The following MAP4K4 variants were observed in gnomAD, a reference collection of about 807,000 sequenced individuals.
The protein encoded by MAP4K4 is mitogen-activated protein kinase kinase kinase kinase 4.
Under a neutral mutation model 189.6 loss-of-function variants are expected in MAP4K4, and 38 were observed. That is an observed-to-expected ratio of 0.20 (90% CI 0.15 to 0.26). The LOEUF (loss-of-function observed/expected upper bound fraction) is 0.26, where lower values mean the gene tolerates loss of function less well. MAP4K4 is among the 10% of genes least tolerant of loss of function. The probability of loss-of-function intolerance (pLI) is 1.00; values close to 1 mark genes in which losing one functional copy is unlikely to be tolerated. For synonymous variants in MAP4K4, 610 were observed against 624.3 expected, an observed-to-expected ratio of 0.98 and a Z score of 0.34; for missense variants, 1,054 against 1,726.9, an observed-to-expected ratio of 0.61 and a Z score of 6.91.
chr2:101,800,290 G>A (rs1213506925), intron 3 of MAP4K4, among the ~76,000 whole-genome samples: 1 of 152,000 alleles, frequency 6.6e-6, no homozygotes, highest in Non-Finnish European at 1.5e-5. Flanking sequence ...TAGAGACCAG[G>A]TCTCCCTGTG....
At chr2:101,826,789 G>T (rs1365726073) in intron 5 of MAP4K4, among the ~76,000 whole-genome samples, 1 of 152,114 alleles carries the variant, frequency 6.6e-6, no homozygotes, top group Non-Finnish European at 1.5e-5. Context: ...AATTACTTTT[G>T]TTAGGAGAAT....
intron 19 of MAP4K4, 127 bp from the exon 20 acceptor site, chr2:101,867,085 G>T: frequency 1.6e-6 from 1 of 633,084 alleles, no homozygotes; most frequent in Non-Finnish European, 2.8e-6. Context: ...CTGTAATTCA[G>T]ACCTGCAGGT....
intron 3 of MAP4K4, among the ~76,000 whole-genome samples, chr2:101,803,307 GTGTC>G (rs934285959): frequency 6.1e-5 from 9 of 148,170 alleles, no homozygotes; most frequent in African/African-American, 1.9e-4. Flanking sequence ...GTCTGTGTCT[GTGTC>G]TGTCTGTGTG....
Position 101,882,532 on chromosome 2 carries a change from T to A in MAP4K4, c.3386-19T>A, listed in dbSNP as rs370765973. The A allele has an allele frequency of 6.4e-7, 1 of 1,557,226 alleles. No homozygotes were observed. The highest frequency in any genetic ancestry group is 1.2e-5 in the South Asian group (1 of 82,872). On this transcript the variant is annotated intron_variant, in intron 27 of 32. Transcript: ENST00000324219. ...TACTTCTGGATATGCATGTAAAATA[T>A]TTATATTTATTTTGCTAGGCAAAAA...
At chr2:101,711,380 A>T (rs926646042) in intron 2 of MAP4K4, among the ~76,000 whole-genome samples, 1 of 151,862 alleles carries the variant, frequency 6.6e-6, no homozygotes, top group African/African-American at 2.4e-5. Flanking sequence ...TCAGCCTGTC[A>T]TGTAGCTGGG....
At chr2:101,758,564 TG>T (rs2150102104) in intron 2 of MAP4K4, among the ~76,000 whole-genome samples, 1 of 152,306 alleles carries the variant, frequency 6.6e-6, no homozygotes, top group South Asian at 2.1e-4. Flanking sequence ...TGGTTATACT[TG>T]GGGGTCTTGG....
chr2:101,728,050 G>A (rs966852081), intron 2 of MAP4K4, among the ~76,000 whole-genome samples: 1 of 152,228 alleles, frequency 6.6e-6, no homozygotes, highest in South Asian at 2.1e-4. Flanking sequence ...TTAGAAGGTT[G>A]TCATGGCTTG....
exon 29 of MAP4K4, chr2:101,885,221 T>C (rs1470976919): frequency 1.9e-6 from 3 of 1,607,010 alleles, no homozygotes; most frequent in Middle Eastern, 1.7e-4. Context: ...TGGTGATTGC[T>C]TTGAAGAGTT....
chr2:101,795,062 T>A (rs2093535099), intron 3 of MAP4K4, among the ~76,000 whole-genome samples: 1 of 152,202 alleles, frequency 6.6e-6, no homozygotes, highest in East Asian at 1.9e-4. Flanking sequence ...AGGGAGTACG[T>A]CAGTTCTAGG....
At chr2:101,887,876 C>T in exon 31 of MAP4K4, 1 of 1,612,576 alleles carries the variant, frequency 6.2e-7, no homozygotes, top group Admixed American at 1.7e-5. Context: ...TTTATGTAAA[C>T]ACATATGGAA....
intron 2 of MAP4K4, among the ~76,000 whole-genome samples, chr2:101,700,594 TA>T (rs1410436514): frequency 6.6e-6 from 1 of 152,228 alleles, no homozygotes; most frequent in Non-Finnish European, 1.5e-5. Flanking sequence ...AGCAGATGAC[TA>T]ATCTTTTCTC....
chr2:101,817,331 C>T (rs559856161), intron 3 of MAP4K4, among the ~76,000 whole-genome samples: 4 of 152,100 alleles, frequency 2.6e-5, no homozygotes, highest in East Asian at 1.9e-4. Context: ...TCACCATGTT[C>T]GTTATTTGTC....
At chr2:101,768,055 C>T (rs1465820124) in intron 2 of MAP4K4, among the ~76,000 whole-genome samples, 2 of 152,056 alleles carry the variant, frequency 1.3e-5, no homozygotes, top group Non-Finnish European at 2.9e-5. Context: ...CTTCATTGTA[C>T]TTATTTGTAT....
chr2:101,734,020 G>T (rs1332613979), intron 2 of MAP4K4, among the ~76,000 whole-genome samples: 1 of 152,086 alleles, frequency 6.6e-6, no homozygotes, highest in South Asian at 2.1e-4. Context: ...TCATAAATTC[G>T]ACCGAGCTTG....
At position 101,699,190 on chromosome 2, in the gene MAP4K4, CAGAG is replaced by C. The variant is rs1467931719; in HGVS notation, c.123+655_123+658del. On this transcript the variant is annotated intron_variant, in intron 2 of 32. Transcript: ENST00000324219. ...AGCTGTGTAATTGAAACAGAAATGA[CAGAG>C]AGCGAAGAGAATATAGAGGATGCCC... Among the ~76,000 whole-genome samples the C allele has an allele frequency of 3.9e-5, 6 of 152,250 alleles. No homozygotes were observed. In the South Asian group the frequency reaches 1.0e-3, roughly 26 times the overall value.
chr2:101,747,812 A>G (rs189686283), intron 2 of MAP4K4, among the ~76,000 whole-genome samples: 411 of 152,354 alleles, frequency 2.7e-3, no homozygotes, highest in Admixed American at 7.1e-3. Context: ...GGTCCAAGAA[A>G]TAGGCTTGGT....
intron 27 of MAP4K4, among the ~76,000 whole-genome samples, chr2:101,881,390 T>TTTGG (rs941373555): frequency 4.3e-4 from 65 of 152,308 alleles, no homozygotes; most frequent in African/African-American, 1.5e-3. Context: ...CAGCAGGGTT[T>TTTGG]TTGGTTGGTT....
chr2:101,772,686 G>A (rs1168906777), intron 2 of MAP4K4, among the ~76,000 whole-genome samples: 1 of 152,150 alleles, frequency 6.6e-6, no homozygotes, highest in Non-Finnish European at 1.5e-5. Context: ...GTCTTTTTTG[G>A]CATTCACATT....
At chr2:101,803,366 T>C (rs1236065958) in intron 3 of MAP4K4, among the ~76,000 whole-genome samples, 1 of 152,158 alleles carries the variant, frequency 6.6e-6, no homozygotes, top group Non-Finnish European at 1.5e-5. Context: ...TTGGATTGTC[T>C]TTTAATTGTA....
Sources: gnomAD v4.1 joint callset for allele counts (sites outside exome capture counted in the v4.1 genomes callset) on GRCh38, gnomAD v4.1.1 for gene constraint, MANE v1.5 for transcripts, NCBI Gene and HGNC (gene_info 2026-07-23, HGNC 2026-07-21) for gene names.